The following ATP8B4 variants were observed in gnomAD, a reference collection of about 807,000 sequenced individuals.
ATP8B4 encodes the protein ATPase phospholipid transporting 8B4 (putative).
Under a neutral mutation model 145.6 loss-of-function variants are expected in ATP8B4, and 133 were observed. The observed-to-expected ratio is 0.91, with a 90% CI of 0.79 to 1.05. ATP8B4 has a LOEUF of 1.05. Among genes scored for constraint, ATP8B4 ranks in the 50% least tolerant of loss-of-function variants. The pLI, the probability that ATP8B4 is intolerant of heterozygous loss-of-function variation, is 0.00. For missense variants in ATP8B4, 1,458 were observed against 1,425.2 expected, an observed-to-expected ratio of 1.02 and a Z score of -0.37; for synonymous variants, 507 against 492.9, an observed-to-expected ratio of 1.03 and a Z score of -0.38.
chr15:50,122,032 A>C (rs371541838), upstream of ATP8B4, among the ~76,000 whole-genome samples: 20 of 152,308 alleles, frequency 1.3e-4, no homozygotes, highest in East Asian at 1.2e-3. Context: ...TATTCTTAAG[A>C]ATCTGAAACC....
chr15:50,144,027 A>G (rs1400324195), intron 1 of ATP8B4, among the ~76,000 whole-genome samples: 2 of 152,224 alleles, frequency 1.3e-5, no homozygotes, highest in Non-Finnish European at 2.9e-5. Flanking sequence ...CTTCCTATCA[A>G]TAGACTGTTT....
chr15:49,956,496 A>C (rs2043573419), intron 14 of ATP8B4, among the ~76,000 whole-genome samples: 1 of 152,190 alleles, frequency 6.6e-6, no homozygotes, highest in South Asian at 2.1e-4. Context: ...AACTGGCCCA[A>C]AGAGTTTATA....
At chr15:49,935,114 A>G (rs1276491418) in intron 14 of ATP8B4, among the ~76,000 whole-genome samples, 1 of 152,102 alleles carries the variant, frequency 6.6e-6, no homozygotes, top group African/African-American at 2.4e-5. Context: ...GCTTGTTAAT[A>G]CCTACAGTAA....
chr15:50,138,416 TAGATAGAG>T (rs1567403097), intron 1 of ATP8B4, among the ~76,000 whole-genome samples: 1 of 141,356 alleles, frequency 7.1e-6, no homozygotes, highest in African/African-American at 2.6e-5. Context: ...AGATGATAGA[TAGATAGAG>T]AGATAGACAG....
intron 10 of ATP8B4, 144 bp downstream of exon 10, chr15:49,987,247 C>A: frequency 1.0e-6 from 1 of 982,420 alleles, no homozygotes; most frequent in Non-Finnish European, 1.4e-6. Context: ...CTCCTGGCAT[C>A]CTACAATCTT....
chr15:50,133,222 G>T (rs551351019), intron 1 of ATP8B4, among the ~76,000 whole-genome samples: 1 of 152,266 alleles, frequency 6.6e-6, no homozygotes, highest in Admixed American at 6.5e-5. Flanking sequence ...ATTATGCTAG[G>T]TGAAATAGAC....
At chr15:50,155,811 G>A (rs1371518490) in intron 1 of ATP8B4, among the ~76,000 whole-genome samples, 1 of 151,726 alleles carries the variant, frequency 6.6e-6, no homozygotes, top group Admixed American at 6.6e-5. Context: ...AAAAAGAATA[G>A]GTAGATCCAA....
intron 3 of ATP8B4, among the ~76,000 whole-genome samples, chr15:50,062,675 T>G (rs2053111196): frequency 6.6e-6 from 1 of 152,158 alleles, no homozygotes; most frequent in Non-Finnish European, 1.5e-5. Context: ...CTATAGAACT[T>G]CTTTTGCCAG....
At chr15:50,072,962 CTCTCTCTCTCTCT>C (rs2053878806) in intron 3 of ATP8B4, among the ~76,000 whole-genome samples, 1 of 34,032 alleles carries the variant, frequency 2.9e-5, no homozygotes, top group Non-Finnish European at 5.2e-5. Context: ...CTCTCTCTCT[CTCTCTCTCTCTCT>C]CTCTCTATAT....
chr15:50,104,878 C>CACACACACACAG (rs796448684), intron 2 of ATP8B4, among the ~76,000 whole-genome samples: 170 of 151,106 alleles, frequency 1.1e-3, no homozygotes, highest in South Asian at 5.2e-3. Context: ...CACACACACA[C>CACACACACACAG]ACACACACAC....
intron 14 of ATP8B4, among the ~76,000 whole-genome samples, chr15:49,950,615 C>CCA (rs2043003406): frequency 1.3e-5 from 1 of 79,980 alleles, no homozygotes; most frequent in Admixed American, 1.1e-4. Context: ...AACAAACAAA[C>CCA]AAACAAAAAA....
At chr15:50,047,567 C>A (rs1165626556) in intron 3 of ATP8B4, 103 bp from the exon 4 acceptor site, 1 of 742,044 alleles carries the variant, frequency 1.3e-6, no homozygotes, top group African/African-American at 1.8e-5. Flanking sequence ...AAAGATAAGC[C>A]GGTTATCTAG....
At chr15:50,072,688 C>T (rs1221191250) in intron 3 of ATP8B4, among the ~76,000 whole-genome samples, 2 of 151,630 alleles carry the variant, frequency 1.3e-5, no homozygotes, top group African/African-American at 2.4e-5. Flanking sequence ...TGCAATGGTG[C>T]GATCTTGGCT....
At chr15:50,037,188 C>T (rs2050902420) in intron 6 of ATP8B4, among the ~76,000 whole-genome samples, 1 of 152,140 alleles carries the variant, frequency 6.6e-6, no homozygotes, top group African/African-American at 2.4e-5. Flanking sequence ...AGTTCAAATT[C>T]ACTACGTAAG....
rs1453109707 is a variant in ATP8B4, at chr15:50,004,759, G to C, written c.436-2536C>G. On this transcript the variant is annotated intron_variant, in intron 7 of 27. Transcript: ENST00000284509. ...TCAAGGTTACACAGTAAGGGTAGGA[G>C]CCAGGATTTGAATCTGGGCATACAG... Among the ~76,000 whole-genome samples the C allele has an allele frequency of 6.7e-5, 9 of 135,178 alleles. No individual in the cohort carries two copies. In the South Asian group the frequency reaches 1.6e-3, roughly 24 times the overall value. The allele number at this position is 135,178 out of a possible 152,430, so 88.7% of individuals were successfully genotyped here.
intron 3 of ATP8B4, among the ~76,000 whole-genome samples, chr15:50,055,330 C>T (rs140160318): frequency 6.6e-6 from 1 of 152,180 alleles, no homozygotes; most frequent in Non-Finnish European, 1.5e-5. Context: ...TTACTCTCAA[C>T]CAACCAAACA....
At chr15:49,894,412 A>T (rs2037159995) in intron 23 of ATP8B4, among the ~76,000 whole-genome samples, 1 of 152,178 alleles carries the variant, frequency 6.6e-6, no homozygotes, top group African/African-American at 2.4e-5. Flanking sequence ...TCCTATTCAG[A>T]GGCCCAATTA....
intron 26 of ATP8B4, among the ~76,000 whole-genome samples, chr15:49,864,779 C>T (rs2032492378): frequency 6.6e-6 from 1 of 152,136 alleles, no homozygotes; most frequent in African/African-American, 2.4e-5. Flanking sequence ...CCATGGTTAA[C>T]ATTTAAAAAG....
chr15:49,908,840 A>G (rs955182810), intron 20 of ATP8B4, among the ~76,000 whole-genome samples: 3 of 152,036 alleles, frequency 2.0e-5, no homozygotes, highest in Non-Finnish European at 2.9e-5. Flanking sequence ...CAGCAACAGG[A>G]CTTCCTCACA....
Sources: allele counts gnomAD v4.1 joint callset (sites outside exome capture counted in the v4.1 genomes callset), GRCh38; gene constraint gnomAD v4.1.1; transcripts MANE v1.5; gene names NCBI Gene and HGNC (gene_info 2026-07-23, HGNC 2026-07-21).